The following MAF variants were observed in gnomAD, a reference collection of about 807,000 sequenced individuals.
MAF encodes the protein MAF bZIP transcription factor.
A neutral mutation model predicts 22.0 loss-of-function variants in MAF; 10 were observed. The ratio of observed to expected loss-of-function variants is 0.45; its 90% CI spans 0.28 to 0.77. MAF has a LOEUF of 0.77. MAF is among the 30% of genes least tolerant of loss of function. MAF has a pLI of 0.12. For synonymous variants in MAF, 337 were observed against 255.8 expected, an observed-to-expected ratio of 1.32 and a Z score of -3.03; for missense variants, 544 against 548.4, an observed-to-expected ratio of 0.99 and a Z score of 0.08.
chr16:79,375,271 C>A, the MAF span, among the ~76,000 whole-genome samples: 95 of 152,318 alleles, frequency 6.2e-4, no homozygotes, highest in African/African-American at 2.2e-3. Flanking sequence ...GTTCTGCCTA[C>A]ATAAAAGGGT....
the MAF span, among the ~76,000 whole-genome samples, chr16:79,341,646 G>C: frequency 6.6e-6 from 1 of 152,192 alleles, no homozygotes; most frequent in East Asian, 1.9e-4. Context: ...GGCTATTGAA[G>C]ACTTTTGAGT....
At chr16:79,578,655 C>G in the MAF span, among the ~76,000 whole-genome samples, 1 of 152,146 alleles carries the variant, frequency 6.6e-6, no homozygotes, top group African/African-American at 2.4e-5. Flanking sequence ...CTTTGACACA[C>G]AAAGCCTTTT....
the MAF span, among the ~76,000 whole-genome samples, chr16:79,269,582 A>C: frequency 6.6e-6 from 1 of 152,144 alleles, no homozygotes; most frequent in Non-Finnish European, 1.5e-5. Flanking sequence ...CCCCTTGCAG[A>C]AATAAGGTCA....
At chr16:79,427,777 G>A in the MAF span, among the ~76,000 whole-genome samples, 4 of 152,076 alleles carry the variant, frequency 2.6e-5, no homozygotes, top group Admixed American at 2.6e-4. Context: ...AGTTGTAATT[G>A]CTCTGCTCGT....
At chr16:79,399,425 G>C in the MAF span, among the ~76,000 whole-genome samples, 1 of 152,208 alleles carries the variant, frequency 6.6e-6, no homozygotes. Context: ...GGCTGGAAAA[G>C]TATTCTTCAA....
At chr16:79,287,262 G>A in the MAF span, among the ~76,000 whole-genome samples, 3 of 152,296 alleles carry the variant, frequency 2.0e-5, no homozygotes, top group African/African-American at 4.8e-5. Flanking sequence ...CAGGATTGCG[G>A]CAGGCTGTTA....
the MAF span, among the ~76,000 whole-genome samples, chr16:79,569,609 C>T: frequency 6.6e-6 from 1 of 152,300 alleles, no homozygotes; most frequent in East Asian, 1.9e-4. Context: ...ATGTGTGATT[C>T]TGATGTTCAC....
chr16:79,480,867 G>T, the MAF span, among the ~76,000 whole-genome samples: 1 of 152,192 alleles, frequency 6.6e-6, no homozygotes, highest in Non-Finnish European at 1.5e-5. Context: ...GGATAGGACC[G>T]TGGGACTGGG....
chr16:79,518,813 C>G, the MAF span, among the ~76,000 whole-genome samples: 1 of 152,096 alleles, frequency 6.6e-6, no homozygotes, highest in African/African-American at 2.4e-5. Context: ...TAATCCCAGC[C>G]ACTCGGGAGG....
At chr16:79,375,334 A>C in the MAF span, among the ~76,000 whole-genome samples, 1 of 152,246 alleles carries the variant, frequency 6.6e-6, no homozygotes, top group Non-Finnish European at 1.5e-5. Flanking sequence ...CTCTCCTCCT[A>C]AAGTTCCACA....
At chr16:79,288,389 C>T in the MAF span, among the ~76,000 whole-genome samples, 3 of 152,088 alleles carry the variant, frequency 2.0e-5, no homozygotes, top group African/African-American at 4.8e-5. Context: ...CCCGAGGCTG[C>T]CATGCTGTGA....
At chr16:79,581,004 T>C (rs1912483142), downstream of MAF, among the ~76,000 whole-genome samples, 1 of 152,122 alleles carries the variant, frequency 6.6e-6, no homozygotes, top group African/African-American at 2.4e-5. Flanking sequence ...TTCTGATCTC[T>C]CTTGGCTACC....
At chr16:79,570,905 T>C in the MAF span, among the ~76,000 whole-genome samples, 12 of 152,326 alleles carry the variant, frequency 7.9e-5, no homozygotes, top group South Asian at 2.3e-3. Context: ...CCAGCTGGTA[T>C]TGGCACTTAA....
the MAF span, among the ~76,000 whole-genome samples, chr16:79,539,479 G>A: frequency 6.6e-6 from 1 of 152,202 alleles, no homozygotes; most frequent in African/African-American, 2.4e-5. Flanking sequence ...ACTCCAGCCA[G>A]TGTGACAGAG....
the MAF span, among the ~76,000 whole-genome samples, chr16:79,211,186 G>T: frequency 6.6e-6 from 1 of 152,122 alleles, no homozygotes; most frequent in Non-Finnish European, 1.5e-5. Flanking sequence ...AGAGTGGTTG[G>T]TTTGTCAGAC....
chr16:79,572,000 C>A, the MAF span, among the ~76,000 whole-genome samples: 2 of 152,154 alleles, frequency 1.3e-5, no homozygotes, highest in Non-Finnish European at 2.9e-5. Context: ...ACTATGACTG[C>A]ATTGGTGTAT....
At chr16:79,484,146 A>G in the MAF span, among the ~76,000 whole-genome samples, 130,462 of 152,182 alleles carry the variant, frequency 0.86, 56,008 homozygotes, top group East Asian at 0.95. Flanking sequence ...GGAAGACAAT[A>G]AGTCTTGCAC....
the MAF span, chr16:79,211,551 C>A: frequency 6.2e-7 from 1 of 1,610,238 alleles, no homozygotes; most frequent in Non-Finnish European, 8.5e-7. Context: ...CGAAATGACG[C>A]CATCTCATCA....
At chr16:79,369,445 A>T in the MAF span, among the ~76,000 whole-genome samples, 1 of 152,222 alleles carries the variant, frequency 6.6e-6, no homozygotes, top group Admixed American at 6.5e-5. Context: ...CATCCCAGAA[A>T]ACTAGTTCTG....
Sources: allele counts gnomAD v4.1 joint callset (sites outside exome capture counted in the v4.1 genomes callset), GRCh38; gene constraint gnomAD v4.1.1; transcripts MANE v1.5; gene names NCBI Gene and HGNC (gene_info 2026-07-23, HGNC 2026-07-21).